The following BRAT1 variants were observed in gnomAD, a reference collection of about 807,000 sequenced individuals.
The protein encoded by BRAT1 is integrator complex assembly factor BRAT1.
Under a neutral mutation model 70.6 loss-of-function variants are expected in BRAT1, and 74 were observed. The observed-to-expected ratio is 1.05, with a 90% CI of 0.87 to 1.27. BRAT1 has a LOEUF of 1.27. BRAT1 is among the 50% of genes most tolerant of loss of function. The pLI, the probability that BRAT1 is intolerant of heterozygous loss-of-function variation, is 0.00. For synonymous variants in BRAT1, 615 were observed against 517.1 expected (o/e 1.19, Z -2.57); for missense variants, 1,203 against 1,098.2 (o/e 1.10, Z -1.35).
rs142346283 is a variant in BRAT1, at chr7:2,538,651, G to A, written c.1884C>T (p.Ala628=). ...EWLRDGHADA[A]QDTEQFVATV... is the part of the protein sequence containing the mutation. ...TGGCCACGAACTGCTCCGTGTCCTGGGCCGCGTCGGCGTGGCCGTCCCGCA... is the reference window on the plus strand; with the variant it reads ...TGGCCACGAACTGCTCCGTGTCCTGAGCCGCGTCGGCGTGGCCGTCCCGCA... The change falls in exon 14 of 14, where the codon GCC becomes GCT. Residue 628 remains alanine (A), a synonymous_variant. Coordinates refer to ENST00000340611, the MANE Select transcript of BRAT1 (RefSeq NM_152743.4). 1,952 of 1,598,326 alleles carry A rather than the reference G, an allele frequency of 1.2e-3. 18 individuals are homozygous for A. In the African/African-American group the frequency reaches 0.022, roughly 18 times the overall value.
rs369152767 is a variant in BRAT1 at position 2,538,291 on chromosome 7, T to C, written c.2244A>G (p.Ala748=). The stretch of plus-strand genomic sequence containing the variant: ...CCCGCCACCTCGGCAGGGTGGCCTC[T>C]GCGGAGGCAGTGTTGGGGCTGCCCC... ...EARGSPNTAS[A]EATLPRWRAG... The change falls in exon 14 of 14, where the codon GCA becomes GCG. Residue 748 remains alanine, a synonymous_variant. Transcript: ENST00000340611. The C allele has an allele frequency of 6.8e-6, 11 of 1,612,490 alleles. No homozygotes were observed. Among genetic ancestry groups the C allele is most frequent in the East Asian group, 4.5e-5 (2 of 44,892 alleles).
chr7:2,537,863 T>G lies in BRAT1; in HGVS notation c.*206A>C, dbSNP rs1272250426. The G allele has an allele frequency of 7.3e-6, 6 of 820,704 alleles. No homozygotes were observed. Among genetic ancestry groups the G allele is most frequent in the Non-Finnish European group, 1.0e-5 (6 of 585,036 alleles). The allele number at this position is 820,704 out of a possible 1,614,324, so 50.8% of individuals were successfully genotyped here. A position where few individuals can be genotyped will look rare whatever the true frequency, so the allele number is the denominator to read the frequency against. ...AACTCAAAAAGGGTTAAAGAAAGACTTCAATGCCATTTATTTTGAGTAGAA... is the reference window on the plus strand; with the variant it reads ...AACTCAAAAAGGGTTAAAGAAAGACGTCAATGCCATTTATTTTGAGTAGAA... On this transcript the variant is annotated 3_prime_UTR_variant, in exon 14 of 14. Transcript: ENST00000340611.
At chr7:2,549,842 G>T (rs1251611602) in intron 2 of BRAT1, among the ~76,000 whole-genome samples, 1 of 152,086 alleles carries the variant, frequency 6.6e-6, no homozygotes, top group East Asian at 1.9e-4. Context: ...AAACAAAATG[G>T]GCTGTAAAGC....
At position 2,538,184 on chromosome 7, in the gene BRAT1, A is replaced by T; in HGVS notation, c.2351T>A (p.Leu784Gln). ...GCTGCTCTCGGCCAGCGTGCTCCGCAGGCCCTCCAGGTCTAGGGACCTGAG... is the reference window on the plus strand; with the variant it reads ...GCTGCTCTCGGCCAGCGTGCTCCGCTGGCCCTCCAGGTCTAGGGACCTGAG... ...AMLRSLDLEG[L>Q]RSTLAESSDH... The change falls in exon 14 of 14, where the codon CTG becomes CAG. Residue 784 changes from leucine (L) to glutamine (Q), a missense_variant. By Grantham distance (113) the Leu-to-Gln change is moderately radical. Transcript: ENST00000340611. 6.2e-7 allele frequency: 1 copy of T among 1,609,346 alleles called. No homozygotes were observed. The highest frequency in any genetic ancestry group is 8.5e-7 in the Non-Finnish European group (1 of 1,177,636).
In BRAT1 at chr7:2,543,495, A is replaced by G; in HGVS notation, c.803+95T>C. Reference sequence around the variant, plus strand: ...CCGCTTCACTGCAGGCCATGTCCTCAGAGAGTCTCCGGCTGCCAGTGGGAC... The same window carrying G: ...CCGCTTCACTGCAGGCCATGTCCTCGGAGAGTCTCCGGCTGCCAGTGGGAC... On this transcript the variant is annotated intron_variant, in intron 5 of 13. Coordinates refer to ENST00000340611, the MANE Select transcript of BRAT1 (RefSeq NM_152743.4). The surrounding 1 kb of genome is among the most constrained non-coding windows in gnomAD (Gnocchi z 5.5). 2 of 1,484,364 alleles carry G rather than the reference A, an allele frequency of 1.3e-6. No homozygotes were observed. The highest frequency in any genetic ancestry group is 2.8e-5 in the African/African-American group (2 of 71,094). The allele number at this position is 1,484,364 out of a possible 1,614,324, so 91.9% of individuals were successfully genotyped here. A position where few individuals can be genotyped will look rare whatever the true frequency, so the allele number is the denominator to read the frequency against.
chr7:2,542,318 C>CCCA, intron 6 of BRAT1, 107 bp from the exon 7 acceptor site: 1 of 930,014 alleles, frequency 1.1e-6, no homozygotes, highest in Non-Finnish European at 1.7e-6. Flanking sequence ...GGGGTTGGGA[C>CCCA]ACCCCCCGAG....
In BRAT1 at chr7:2,543,546, C is replaced by T; in HGVS notation, c.803+44G>A. ...ATCCCTGGGCGTTATCCGAGGAAAA[C>T]AGTTGCCCACCCAGGCCCCCCAGCT... On this transcript the variant is annotated intron_variant, in intron 5 of 13. Transcript: ENST00000340611. The surrounding 1 kb of genome is among the most constrained non-coding windows in gnomAD (Gnocchi z 5.5). 2 of 1,499,404 alleles carry T rather than the reference C, an allele frequency of 1.3e-6. No homozygotes were observed. Among genetic ancestry groups the T allele is most frequent in the East Asian group, 2.3e-5 (1 of 42,822 alleles). The allele number at this position is 1,499,404 out of a possible 1,614,324, so 92.9% of individuals were successfully genotyped here.
Position 2,538,366 on chromosome 7 carries a change from A to T in BRAT1, c.2169T>A (p.Leu723=), listed in dbSNP as rs150300694. Residue 723 remains leucine (L), a synonymous_variant, in exon 14 of 14, where the codon CTT becomes CTA. Transcript: ENST00000340611. ...AAGCAATCTTGTCCCTCAGGAAGAG[A>T]AGGAGGTCACAAGACTTCTGCGCCA... ...RPVAQKSCDL[L]LFLRDKIASY... The T allele has an allele frequency of 4.6e-4, 742 of 1,613,464 alleles. 6 individuals are homozygous for T. In the African/African-American group the frequency reaches 8.7e-3, roughly 19 times the overall value.
intron 10 of BRAT1, 89 bp downstream of exon 10, chr7:2,540,890 G>A (rs1334111728): frequency 2.4e-5 from 31 of 1,294,844 alleles, no homozygotes; most frequent in African/African-American, 3.1e-5. Context: ...CCCATCCGCA[G>A]AGGCCTGCAC....
intron 2 of BRAT1, among the ~76,000 whole-genome samples, chr7:2,550,542 AAAG>A (rs1270551022): frequency 2.6e-5 from 4 of 151,812 alleles, no homozygotes; most frequent in Non-Finnish European, 5.9e-5. Flanking sequence ...AAAAAAAAAA[AAAG>A]GATGCATCTC....
At chr7:2,553,111 C>T (rs1233633739) in intron 2 of BRAT1, among the ~76,000 whole-genome samples, 1 of 152,096 alleles carries the variant, frequency 6.6e-6, no homozygotes, top group African/African-American at 2.4e-5. Flanking sequence ...GGGCTCACTG[C>T]AACCTCCGCT....
chr7:2,543,525 CT>C lies in BRAT1; in HGVS notation c.803+64del. On this transcript the variant is annotated intron_variant, in intron 5 of 13. Transcript: ENST00000340611. The surrounding 1 kb of genome is among the most constrained non-coding windows in gnomAD (Gnocchi z 5.5). ...GTCTCCGGCTGCCAGTGGGACATCC[CT>C]GGGCGTTATCCGAGGAAAACAGTTG... 6.7e-7 allele frequency: 1 copy of C among 1,495,576 alleles called. No homozygotes were observed. The highest frequency in any genetic ancestry group is 8.9e-7 in the Non-Finnish European group (1 of 1,124,946). The allele number at this position is 1,495,576 out of a possible 1,614,324, so 92.6% of individuals were successfully genotyped here. A position where few individuals can be genotyped will look rare whatever the true frequency, so the allele number is the denominator to read the frequency against.
intron 2 of BRAT1, among the ~76,000 whole-genome samples, chr7:2,552,889 C>A (rs1317987595): frequency 6.7e-6 from 1 of 149,072 alleles, no homozygotes; most frequent in Non-Finnish European, 1.5e-5. Context: ...AGGCGCCCAC[C>A]ACCACGTCTG....
chr7:2,540,941 C>G (rs754349647), intron 10 of BRAT1, 38 bp downstream of exon 10: 1 of 1,482,108 alleles, frequency 6.7e-7, no homozygotes. Context: ...CTGCCTCTGC[C>G]TCCCTCCTCT....
rs1487279143 is a variant in BRAT1, at chr7:2,539,541, C to T, written c.1597+3G>A. On this transcript the variant is annotated splice_donor_region_variant and intron_variant, in intron 12 of 13. Coordinates refer to ENST00000340611, the MANE Select transcript of BRAT1 (RefSeq NM_152743.4). ...GGCAGCCCCTCCACCTGCCAGCACT[C>T]ACCTCCCCAGTGCCTGCTCAGCTGG... 3 of 1,554,852 alleles carry T rather than the reference C, an allele frequency of 1.9e-6. No homozygotes were observed. Among genetic ancestry groups the T allele is most frequent in the Middle Eastern group, 1.7e-4 (1 of 5,772 alleles).
chr7:2,554,209 C>T, intron 2 of BRAT1, 96 bp downstream of exon 2: 2 of 1,497,334 alleles, frequency 1.3e-6, no homozygotes, highest in South Asian at 2.6e-5. Context: ...TGCCCTTCCT[C>T]CAGGACAGGG....
At chr7:2,549,187 A>G (rs35887525) in intron 2 of BRAT1, among the ~76,000 whole-genome samples, 4,543 of 152,230 alleles carry the variant, frequency 0.03, 95 homozygotes, top group South Asian at 0.078. Flanking sequence ...TTCTCATGTT[A>G]AAAATATAAG....
chr7:2,553,400 A>G (rs1341116274), intron 2 of BRAT1, among the ~76,000 whole-genome samples: 1 of 152,202 alleles, frequency 6.6e-6, no homozygotes, highest in Non-Finnish European at 1.5e-5. Context: ...TCAATTAATT[A>G]TGGTCTATTC....
Position 2,537,867 on chromosome 7 carries a change from A to G in BRAT1, c.*202T>C, listed in dbSNP as rs577030414. 18 of 843,692 alleles carry G rather than the reference A, an allele frequency of 2.1e-5. No individual in the cohort carries two copies. The highest frequency in any genetic ancestry group is 3.5e-5 in the South Asian group (1 of 28,422). The allele number at this position is 843,692 out of a possible 1,614,324, so 52.3% of individuals were successfully genotyped here. A position where few individuals can be genotyped will look rare whatever the true frequency, so the allele number is the denominator to read the frequency against. On this transcript the variant is annotated 3_prime_UTR_variant, in exon 14 of 14. Transcript: ENST00000340611. The stretch of plus-strand genomic sequence containing the variant: ...CAAAAAGGGTTAAAGAAAGACTTCA[A>G]TGCCATTTATTTTGAGTAGAAATAA...
Sources: gnomAD v4.1 joint callset for allele counts (sites outside exome capture counted in the v4.1 genomes callset) on GRCh38, gnomAD v4.1.1 for gene constraint, Gnocchi (gnomAD v3.1) non-coding constraint, MANE v1.5 for transcripts, NCBI Gene and HGNC (gene_info 2026-07-23, HGNC 2026-07-21) for gene names.